The following BCAS3 variants were observed in gnomAD, a reference collection of about 807,000 sequenced individuals.
The protein encoded by BCAS3 is BCAS4/BCAS3 fusion.
A neutral mutation model predicts 116.1 loss-of-function variants in BCAS3; 53 were observed. That is an observed-to-expected ratio of 0.46 (90% CI 0.37 to 0.57). The LOEUF (loss-of-function observed/expected upper bound fraction) is 0.57, where lower values mean the gene tolerates loss of function less well. Ranked by LOEUF, BCAS3 falls within the 20% of genes least tolerant of loss-of-function variation. The pLI is 0.00. For missense variants in BCAS3, 917 were observed against 1,165.4 expected (o/e 0.79, Z 3.10); for synonymous variants, 391 against 408.2 (o/e 0.96, Z 0.51).
At chr17:60,861,345 T>C (rs2054139793) in intron 7 of BCAS3, among the ~76,000 whole-genome samples, 1 of 152,232 alleles carries the variant, frequency 6.6e-6, no homozygotes, top group Non-Finnish European at 1.5e-5. Flanking sequence ...TGATTTTATA[T>C]CCTGAAACCT....
intron 22 of BCAS3, among the ~76,000 whole-genome samples, chr17:61,335,962 C>T (rs1189154834): frequency 6.6e-6 from 1 of 152,252 alleles, no homozygotes; most frequent in Non-Finnish European, 1.5e-5. Flanking sequence ...TTAGACCTCA[C>T]CCCAAGGGGC....
rs556211875 is a variant in BCAS3 at position 61,134,417 on chromosome 17, C to T, written c.2425+49853C>T. ...ACAGTAAGCTGGTGGAATGAGGATT[C>T]GGAACCACGCATGTCTGACTCCAGA... On this transcript the variant is annotated intron_variant, in intron 22 of 23. Coordinates refer to ENST00000407086, the MANE Select transcript of BCAS3 (RefSeq NM_017679.5). This position sits in a 1 kb window ranked among gnomAD's most constrained non-coding sequence, Gnocchi z 4.6. Among the ~76,000 whole-genome samples the T allele has an allele frequency of 2.8e-3, 427 of 152,226 alleles. 3 individuals are homozygous for T. Among genetic ancestry groups the T allele is most frequent in the Non-Finnish European group, 2.5e-3 (168 of 68,018 alleles).
intron 7 of BCAS3, among the ~76,000 whole-genome samples, chr17:60,854,801 G>A (rs1599183679): frequency 6.6e-6 from 1 of 152,312 alleles, no homozygotes; most frequent in Non-Finnish European, 1.5e-5. Context: ...TGTCCACACA[G>A]CCTGCACATG....
At chr17:61,059,735 A>T (rs923556525) in intron 19 of BCAS3, among the ~76,000 whole-genome samples, 1 of 152,120 alleles carries the variant, frequency 6.6e-6, no homozygotes, top group Non-Finnish European at 1.5e-5. Flanking sequence ...TATAGAAAGA[A>T]ATTTTACTGG....
chr17:61,366,407 A>G lies in BCAS3; in HGVS notation c.2426-1920A>G, dbSNP rs1025850071. Among the ~76,000 whole-genome samples, 1 of 152,256 alleles carries G rather than the reference A, an allele frequency of 6.6e-6. No homozygotes were observed. The highest frequency in any genetic ancestry group is 1.5e-5 in the Non-Finnish European group (1 of 68,046). ...GAGCTAGAAGGACTGGCTGTGCATC[A>G]TGCAGTGAGTCGGCAGCAGAATCAG... On this transcript the variant is annotated intron_variant, in intron 22 of 23. Transcript: ENST00000407086. The surrounding 1 kb of genome is among the most constrained non-coding windows in gnomAD (Gnocchi z 4.5).
chr17:61,114,695 C>T (rs984319096), intron 22 of BCAS3, among the ~76,000 whole-genome samples: 39 of 152,088 alleles, frequency 2.6e-4, no homozygotes, highest in Admixed American at 6.6e-5. Flanking sequence ...ATGCTATCCC[C>T]ATAAAGCTAC....
intron 22 of BCAS3, among the ~76,000 whole-genome samples, chr17:61,293,613 T>C (rs1181756990): frequency 3.9e-5 from 6 of 152,140 alleles, no homozygotes; most frequent in African/African-American, 1.4e-4. Flanking sequence ...TTCTAAGACA[T>C]TAAATCACAA....
chr17:61,058,748 A>G (rs1180002233), intron 19 of BCAS3, among the ~76,000 whole-genome samples: 1 of 152,214 alleles, frequency 6.6e-6, no homozygotes, highest in African/African-American at 2.4e-5. Context: ...ATCAGGATAC[A>G]TAACTGTTTA....
chr17:60,727,308 CCTT>C, intron 5 of BCAS3: 1 of 1,211,368 alleles, frequency 8.3e-7, no homozygotes, highest in East Asian at 2.4e-5. Context: ...GTGGTCTTAG[CCTT>C]CTTCAGGAAA....
In BCAS3 at chr17:61,248,935, A is replaced by T. The variant is rs1449096731; in HGVS notation, c.2426-119392A>T. On this transcript the variant is annotated intron_variant, in intron 22 of 23. Transcript: ENST00000407086. This position sits in a 1 kb window ranked among gnomAD's most constrained non-coding sequence, Gnocchi z 4.3. ...CTCTTAAAGATAAGACGTTGTTTAG[A>T]TGAATATATATTCTTTTCCTGTGTA... is the stretch of plus-strand genomic sequence containing the variant. 1.3e-5 allele frequency among the ~76,000 whole-genome samples: 2 copies of T among 152,208 alleles called. No individual in the cohort carries two copies. The highest frequency in any genetic ancestry group is 2.9e-5 in the Non-Finnish European group (2 of 68,040).
intron 15 of BCAS3, among the ~76,000 whole-genome samples, chr17:60,996,486 G>GA (rs2063845294): frequency 6.6e-6 from 1 of 152,156 alleles, no homozygotes; most frequent in South Asian, 2.1e-4. Context: ...CATCTAGAAG[G>GA]ATAGGGTTGG....
At chr17:60,739,346 G>A (rs553105321) in intron 5 of BCAS3, among the ~76,000 whole-genome samples, 14 of 152,186 alleles carry the variant, frequency 9.2e-5, no homozygotes, top group South Asian at 2.1e-4. Flanking sequence ...TGGGTCAGGC[G>A]CAGTGGCTCA....
intron 4 of BCAS3, among the ~76,000 whole-genome samples, chr17:60,701,805 C>CAAAAAA (rs71370178): frequency 5.2e-5 from 4 of 77,058 alleles, no homozygotes; most frequent in South Asian, 4.0e-4. Flanking sequence ...ACTAAAAATA[C>CAAAAAA]AAAAAAAAAA....
At position 61,355,929 on chromosome 17, in the gene BCAS3, C is replaced by A. The variant is rs1437232347; in HGVS notation, c.2426-12398C>A. Among the ~76,000 whole-genome samples the A allele has an allele frequency of 6.6e-6, 1 of 152,208 alleles. No individual in the cohort carries two copies. On this transcript the variant is annotated intron_variant, in intron 22 of 23. Transcript: ENST00000407086. The surrounding 1 kb of genome is among the most constrained non-coding windows in gnomAD (Gnocchi z 4.2). The stretch of plus-strand genomic sequence containing the variant: ...CCCTGCCATAGGAATCCTATCACAG[C>A]TCTATGTGTATGTTTTCTATCCACC...
intron 6 of BCAS3, among the ~76,000 whole-genome samples, chr17:60,802,117 C>G (rs1434332376): frequency 6.6e-6 from 1 of 151,506 alleles, no homozygotes; most frequent in East Asian, 1.9e-4. Flanking sequence ...AGACCAGCCT[C>G]TACTAAAAAT....
At chr17:60,977,121 C>T (rs1274654734) in intron 14 of BCAS3, among the ~76,000 whole-genome samples, 1 of 151,808 alleles carries the variant, frequency 6.6e-6, no homozygotes, top group Non-Finnish European at 1.5e-5. Flanking sequence ...CCCCCCACCT[C>T]CCGGACAGGG....
chr17:61,322,774 C>G, intron 22 of BCAS3, among the ~76,000 whole-genome samples: 1 of 137,712 alleles, frequency 7.3e-6, no homozygotes, highest in East Asian at 2.2e-4. Flanking sequence ...TATTTTTAAG[C>G]CTCTCTTGAG....
At chr17:60,714,493 G>T (rs199873755) in intron 5 of BCAS3, among the ~76,000 whole-genome samples, 4 of 151,998 alleles carry the variant, frequency 2.6e-5, no homozygotes, top group African/African-American at 9.7e-5. Context: ...GTGAAACTCC[G>T]TCTCTACTAA....
chr17:60,735,058 C>G (rs1055730319), intron 5 of BCAS3, among the ~76,000 whole-genome samples: 1 of 151,868 alleles, frequency 6.6e-6, no homozygotes, highest in East Asian at 1.9e-4. Flanking sequence ...AGATTTATAC[C>G]TACGTATTTC....
Sources: allele counts gnomAD v4.1 joint callset (sites outside exome capture counted in the v4.1 genomes callset), GRCh38; gene constraint gnomAD v4.1.1; non-coding constraint Gnocchi (gnomAD v3.1); transcripts MANE v1.5; gene names NCBI Gene and HGNC (gene_info 2026-07-23, HGNC 2026-07-21).